CTNND2: variants seen among roughly 807,000 people sequenced by gnomAD.
CTNND2 encodes catenin delta-2.
Under a neutral mutation model 144.4 loss-of-function variants are expected in CTNND2, and 22 were observed. That is an observed-to-expected ratio of 0.15 (90% confidence interval 0.11 to 0.22). The LOEUF (loss-of-function observed/expected upper bound fraction) is 0.22, where lower values mean the gene tolerates loss of function less well. Ranked by LOEUF, CTNND2 falls within the 10% of genes least tolerant of loss-of-function variation. The pLI, the probability that CTNND2 is intolerant of heterozygous loss-of-function variation, is 1.00. For synonymous variants in CTNND2, 751 were observed against 695.6 expected (o/e 1.08, Z -1.25); for missense variants, 1,353 against 1,618.8 (o/e 0.84, Z 2.82).
chr5:11,554,953 A>G (rs1209400621), intron 3 of CTNND2, among the ~76,000 whole-genome samples: 2 of 151,488 alleles, frequency 1.3e-5, no homozygotes, highest in African/African-American at 4.8e-5. Flanking sequence ...TATAAAATGT[A>G]CATAACATAA....
intron 13 of CTNND2, among the ~76,000 whole-genome samples, chr5:11,115,781 A>G (rs984981148): frequency 1.3e-5 from 2 of 152,216 alleles, no homozygotes; most frequent in African/African-American, 4.8e-5. Context: ...ACTAGTACTC[A>G]AAGGGCTGAC....
At chr5:11,044,545 C>CATATATATATAT (rs35127513) in intron 16 of CTNND2, among the ~76,000 whole-genome samples, 1 of 146,682 alleles carries the variant, frequency 6.8e-6, no homozygotes, top group African/African-American at 2.5e-5. Flanking sequence ...AAAAAAAATA[C>CATATATATATAT]ATATATATAT....
intron 1 of CTNND2, among the ~76,000 whole-genome samples, chr5:11,825,119 C>T (rs930574385): frequency 2.6e-5 from 4 of 151,720 alleles, no homozygotes; most frequent in Non-Finnish European, 5.9e-5. Context: ...AAAAAACTAC[C>T]AGGAAATAAA....
intron 2 of CTNND2, among the ~76,000 whole-genome samples, chr5:11,719,204 T>G (rs1020341522): frequency 3.3e-5 from 5 of 152,194 alleles, no homozygotes; most frequent in African/African-American, 1.2e-4. Context: ...TATCACTTTT[T>G]CCATCATGCA....
At chr5:11,764,587 A>C (rs1027649621) in intron 1 of CTNND2, among the ~76,000 whole-genome samples, 52 of 152,024 alleles carry the variant, frequency 3.4e-4, no homozygotes, top group African/African-American at 1.2e-3. Context: ...GCTTTTGGAC[A>C]TTTCCCTTTC....
intron 18 of CTNND2, among the ~76,000 whole-genome samples, chr5:11,012,766 T>G (rs535185104): frequency 6.6e-6 from 1 of 152,292 alleles, no homozygotes; most frequent in East Asian, 1.9e-4. Flanking sequence ...ACCAATGTGA[T>G]CTCCAGTTTT....
chr5:11,654,495 A>G (rs1782810813), intron 2 of CTNND2, among the ~76,000 whole-genome samples: 1 of 151,936 alleles, frequency 6.6e-6, no homozygotes, highest in African/African-American at 2.4e-5. Context: ...GTTATTGTAA[A>G]TGAGATTTTT....
intron 2 of CTNND2, among the ~76,000 whole-genome samples, chr5:11,667,390 A>G (rs970727021): frequency 2.6e-5 from 4 of 152,198 alleles, no homozygotes; most frequent in Non-Finnish European, 5.9e-5. Flanking sequence ...ACAACAGTGT[A>G]AAAGTGTTCC....
At chr5:11,431,407 A>G (rs1763273301) in intron 3 of CTNND2, among the ~76,000 whole-genome samples, 1 of 152,110 alleles carries the variant, frequency 6.6e-6, no homozygotes, top group Non-Finnish European at 1.5e-5. Context: ...AGGGATGTCC[A>G]TTTTTCTCCC....
chr5:11,589,035 G>A, intron 2 of CTNND2: 1 of 985,330 alleles, frequency 1.0e-6, no homozygotes, highest in Non-Finnish European at 1.2e-6. Flanking sequence ...AGAAAGCAAA[G>A]CAAGACATAT....
intron 2 of CTNND2, among the ~76,000 whole-genome samples, chr5:11,677,240 T>C (rs1784217629): frequency 6.6e-6 from 1 of 152,232 alleles, no homozygotes; most frequent in Admixed American, 6.5e-5. Context: ...GATAAGATCA[T>C]GTTCATATAA....
At chr5:11,883,329 C>T (rs1194902725) in intron 1 of CTNND2, among the ~76,000 whole-genome samples, 1 of 152,102 alleles carries the variant, frequency 6.6e-6, no homozygotes, top group African/African-American at 2.4e-5. Context: ...TATCCCTCCC[C>T]TACCGCCCCA....
chr5:11,745,898 T>C (rs1788282646), intron 1 of CTNND2, among the ~76,000 whole-genome samples: 1 of 152,196 alleles, frequency 6.6e-6, no homozygotes, highest in East Asian at 1.9e-4. Context: ...AATCATGTAT[T>C]TTAACAGAAA....
chr5:11,119,427 T>A (rs1753862464), intron 12 of CTNND2, among the ~76,000 whole-genome samples: 1 of 152,194 alleles, frequency 6.6e-6, no homozygotes, highest in South Asian at 2.1e-4. Flanking sequence ...ACTAGGCAAA[T>A]ACTGACAGCA....
intron 11 of CTNND2, among the ~76,000 whole-genome samples, chr5:11,161,150 G>A (rs773167539): frequency 6.6e-6 from 1 of 152,126 alleles, no homozygotes; most frequent in Non-Finnish European, 1.5e-5. Context: ...TTTTATTGAA[G>A]CACAGCCATG....
chr5:11,422,324 G>A (rs530620709), intron 3 of CTNND2, among the ~76,000 whole-genome samples: 2 of 152,322 alleles, frequency 1.3e-5, no homozygotes, highest in African/African-American at 4.8e-5. Flanking sequence ...TGCTCAGGAT[G>A]TCTTTCCTGG....
intron 2 of CTNND2, among the ~76,000 whole-genome samples, chr5:11,641,473 G>A (rs1215947036): frequency 7.9e-6 from 1 of 125,916 alleles, no homozygotes; most frequent in African/African-American, 3.1e-5. Flanking sequence ...ATCCTTTTAT[G>A]TATGTATATG....
intron 10 of CTNND2, among the ~76,000 whole-genome samples, chr5:11,228,819 G>C (rs1471427939): frequency 6.6e-6 from 1 of 152,028 alleles, no homozygotes; most frequent in Non-Finnish European, 1.5e-5. Context: ...ATTGATATTT[G>C]GACCCTCCCA....
chr5:11,510,743 C>T (rs916268874), intron 3 of CTNND2, among the ~76,000 whole-genome samples: 3 of 152,048 alleles, frequency 2.0e-5, no homozygotes, highest in African/African-American at 7.2e-5. Flanking sequence ...CCAGCCTGGC[C>T]AACATGGTGA....
Sources: allele counts gnomAD v4.1 joint callset (sites outside exome capture counted in the v4.1 genomes callset), GRCh38; gene constraint gnomAD v4.1.1; transcripts MANE v1.5; gene names NCBI Gene and HGNC (gene_info 2026-07-23, HGNC 2026-07-21).